The following G2E3 variants were observed in gnomAD, a reference collection of about 807,000 sequenced individuals.
The protein encoded by G2E3 is G2/M-phase specific E3 ubiquitin protein ligase, also known as G2/M phase-specific E3 ubiquitin-protein ligase.
In G2E3, 35 loss-of-function variants were observed where a neutral mutation model predicts 92.8. That is an observed-to-expected ratio of 0.38 (90% CI 0.29 to 0.50). G2E3 has a LOEUF of 0.50. Among genes scored for constraint, G2E3 ranks in the 20% least tolerant of loss-of-function variants. The probability of loss-of-function intolerance (pLI) is 0.94; values close to 1 mark genes in which losing one functional copy is unlikely to be tolerated. For synonymous variants in G2E3, 242 were observed against 272.4 expected (o/e 0.89, Z 1.10); for missense variants, 554 against 823.8 (o/e 0.67, Z 4.01).
chr14:30,598,651 C>T, intron 8 of G2E3, 52 bp downstream of exon 8: 1 of 1,115,456 alleles, frequency 9.0e-7, no homozygotes, highest in South Asian at 1.2e-5. Flanking sequence ...AAACCTTCTG[C>T]TGAGAAAGTA....
At position 30,597,488 on chromosome 14, in the gene G2E3, G is replaced by A. The variant is rs777231013; in HGVS notation, c.597G>A (p.Gln199=). The change falls in exon 7 of 15, where the codon CAG becomes CAA. Residue 199 remains glutamine (Q), a synonymous_variant. Coordinates refer to ENST00000206595, the MANE Select transcript of G2E3 (RefSeq NM_017769.5). Reference sequence around the variant, plus strand: ...TATGCAATAATAGTGACATCTTTCAGAAAGAGATGTTGAGAATGGGAATTC... The same window carrying A: ...TATGCAATAATAGTGACATCTTTCAAAAAGAGATGTTGAGAATGGGAATTC... ...CTICNNSDIF[Q]KEMLRMGIHI... 1.9e-6 allele frequency: 3 copies of A among 1,582,460 alleles called. No homozygotes were observed. The East Asian group carries it at 6.7e-5, about 35-fold the overall frequency.
At position 30,618,395 on chromosome 14, in the gene G2E3, A is replaced by T. The variant is rs1221944227; in HGVS notation, c.*1861A>T. On this transcript the variant is annotated 3_prime_UTR_variant, in exon 15 of 15. Transcript: ENST00000206595. ...TATCCACCTTATTTTTATTACAGCT[A>T]AAAACCAATACAAACCAATAAAACC... 6.6e-6 allele frequency: 1 copy of T among 152,166 alleles called. No homozygotes were observed. Among genetic ancestry groups the T allele is most frequent in the Non-Finnish European group, 1.5e-5 (1 of 67,974 alleles). 9.4% of individuals were successfully genotyped at this position (152,166 alleles called of 1,614,324 possible).
intron 2 of G2E3, among the ~76,000 whole-genome samples, chr14:30,583,458 G>A (rs1252315051): frequency 6.6e-6 from 1 of 152,122 alleles, no homozygotes; most frequent in African/African-American, 2.4e-5. Context: ...TCTCCCTTAT[G>A]TGTGGAATAT....
At position 30,607,907 on chromosome 14, in the gene G2E3, C is replaced by G; in HGVS notation, c.1338C>G (p.Tyr446Ter). ...TTACAGCTCTGAAAGAGAATCTTTA[C>G]TATGAAGCTGGCAAAATGCTTGCCA... ...LNSQALKENL[Y>*]YEAGKMLAIS... Residue 446 changes from tyrosine (Y) to a stop codon, truncating the protein, a stop_gained, in exon 12 of 15, where the codon TAC (tyrosine) becomes TAG (stop). Transcript: ENST00000206595. LOFTEE classifies it high-confidence loss of function. 1 of 1,600,904 alleles carries G rather than the reference C, an allele frequency of 6.2e-7. No homozygotes were observed. Among genetic ancestry groups the G allele is most frequent in the Non-Finnish European group, 8.5e-7 (1 of 1,170,428 alleles).
intron 3 of G2E3, 132 bp from the exon 4 acceptor site, chr14:30,589,251 C>A: frequency 1.7e-6 from 1 of 578,006 alleles, no homozygotes. Context: ...AAAATAACTA[C>A]TATAGATAAC....
rs375827293 is a variant in G2E3, at chr14:30,561,688, A to G, written c.-5+2416A>G. On this transcript the variant is annotated intron_variant, in intron 1 of 14. Transcript: ENST00000206595. ...CTGTGCTTTTTGCTTATAAATATAT[A>G]GTGCGAGACTGCCCTTGTCCTTTTA... 1.2e-4 allele frequency among the ~76,000 whole-genome samples: 19 copies of G among 152,336 alleles called. No individual in the cohort carries two copies. In the East Asian group the frequency reaches 2.5e-3, roughly 20 times the overall value.
intron 10 of G2E3, among the ~76,000 whole-genome samples, chr14:30,604,412 A>G (rs960635391): frequency 6.6e-6 from 1 of 152,248 alleles, no homozygotes; most frequent in African/African-American, 2.4e-5. Context: ...TATTTTTGAG[A>G]ACATTAATTC....
At chr14:30,610,450 C>T (rs773224943) in intron 12 of G2E3, among the ~76,000 whole-genome samples, 1 of 152,058 alleles carries the variant, frequency 6.6e-6, no homozygotes, top group Non-Finnish European at 1.5e-5. Context: ...CCCATCTTTA[C>T]TAAAAATACA....
intron 1 of G2E3, among the ~76,000 whole-genome samples, chr14:30,574,983 T>C (rs1464131154): frequency 6.6e-6 from 1 of 152,202 alleles, no homozygotes; most frequent in East Asian, 1.9e-4. Context: ...TGCTTTTTGC[T>C]CTTTGTGGAT....
In G2E3 at chr14:30,607,873, C is replaced by T. The variant is rs779316356; in HGVS notation, c.1319-15C>T. 2 of 1,458,116 alleles carry T rather than the reference C, an allele frequency of 1.4e-6. No homozygotes were observed. The highest frequency in any genetic ancestry group is 2.4e-5 in the South Asian group (2 of 83,618). 90.3% of individuals were successfully genotyped at this position (1,458,116 alleles called of 1,614,324 possible). ...AATAGAAGTGTATTTGATATATTTT[C>T]ATCTGTATTTACAGCTCTGAAAGAG... On this transcript the variant is annotated splice_polypyrimidine_tract_variant and intron_variant, in intron 11 of 14. Coordinates refer to ENST00000206595, the MANE Select transcript of G2E3 (RefSeq NM_017769.5).
chr14:30,562,435 A>G (rs893306639), intron 1 of G2E3, among the ~76,000 whole-genome samples: 3 of 152,186 alleles, frequency 2.0e-5, no homozygotes, highest in Non-Finnish European at 4.4e-5. Context: ...CCAGAAGACA[A>G]GTGTGAGCCT....
chr14:30,560,783 A>G (rs1047090265), intron 1 of G2E3: 5 of 702,074 alleles, frequency 7.1e-6, no homozygotes, highest in Non-Finnish European at 1.3e-5. Context: ...TTCAGATCTC[A>G]GATTCTGAAT....
intron 1 of G2E3, among the ~76,000 whole-genome samples, chr14:30,562,710 G>A (rs1315451219): frequency 6.6e-6 from 1 of 152,192 alleles, no homozygotes; most frequent in Non-Finnish European, 1.5e-5. Context: ...CCGTCTCCCT[G>A]TGGTGCTGTG....
chr14:30,577,223 C>CAAAAAAAAAAAAAAAAAAAAA (rs59757142), intron 1 of G2E3, among the ~76,000 whole-genome samples: 1 of 80,776 alleles, frequency 1.2e-5, no homozygotes, highest in Admixed American at 1.5e-4. Flanking sequence ...GACTCTGTCT[C>CAAAAAAAAAAAAAAAAAAAAA]AAAAAAAAAA....
intron 2 of G2E3, among the ~76,000 whole-genome samples, chr14:30,582,858 A>G (rs542693149): frequency 7.9e-5 from 12 of 152,322 alleles, no homozygotes; most frequent in Admixed American, 2.0e-4. Context: ...TCACTATATT[A>G]AATACGAGCT....
intron 1 of G2E3, among the ~76,000 whole-genome samples, chr14:30,563,695 T>TTTTGTG (rs1395905313): frequency 7.1e-6 from 1 of 141,184 alleles, no homozygotes. Context: ...TTTGTTACTT[T>TTTTGTG]TGTGTGTGTG....
intron 8 of G2E3, among the ~76,000 whole-genome samples, 156 bp downstream of exon 8, chr14:30,598,755 T>G (rs1017232522): frequency 6.6e-6 from 1 of 152,256 alleles, no homozygotes; most frequent in African/African-American, 2.4e-5. Context: ...TTACGTCTGT[T>G]TACAGAGAAA....
At chr14:30,610,578 G>A (rs991210130) in intron 12 of G2E3, among the ~76,000 whole-genome samples, 2 of 152,202 alleles carry the variant, frequency 1.3e-5, no homozygotes, top group Non-Finnish European at 2.9e-5. Context: ...ACTCCAGCAT[G>A]GGCAACAGAG....
intron 2 of G2E3, among the ~76,000 whole-genome samples, chr14:30,584,103 C>G (rs866463488): frequency 1.3e-5 from 2 of 152,218 alleles, no homozygotes; most frequent in Middle Eastern, 3.4e-3. Context: ...ATAAAGTAAT[C>G]CATAAGTAAA....
Sources: gnomAD v4.1 joint callset for allele counts (sites outside exome capture counted in the v4.1 genomes callset) on GRCh38, gnomAD v4.1.1 for gene constraint, MANE v1.5 for transcripts, NCBI Gene and HGNC (gene_info 2026-07-23, HGNC 2026-07-21) for gene names.